SYN3: variants seen among roughly 807,000 people sequenced by gnomAD.
The protein encoded by SYN3 is synapsin-3.
A neutral mutation model predicts 65.8 loss-of-function variants in SYN3; 35 were observed. That is an observed-to-expected ratio of 0.53 (90% confidence interval 0.41 to 0.70). The LOEUF is 0.70. SYN3 is among the 30% of genes least tolerant of loss of function. SYN3 has a pLI of 0.00. For synonymous variants in SYN3, 270 were observed against 292.9 expected (o/e 0.92, Z 0.80); for missense variants, 680 against 749.0 (o/e 0.91, Z 1.08).
chr22:32,896,773 G>A lies in SYN3; in HGVS notation c.462-27648C>T, dbSNP rs535911281. 1.4e-4 allele frequency among the ~76,000 whole-genome samples: 22 copies of A among 152,310 alleles called. No homozygotes were observed. In the Middle Eastern group the frequency reaches 0.01, roughly 71 times the overall value. The stretch of plus-strand genomic sequence containing the variant: ...GTGATCTCATTTTGGCTGTCACCTT[G>A]TTCGAAGATGTGTGTAATTCTCCTT... On this transcript the variant is annotated intron_variant, in intron 4 of 13. Transcript: ENST00000358763.
rs191153486 is a variant in SYN3 at position 32,828,378 on chromosome 22, C to T, written c.711+36537G>A. On this transcript the variant is annotated intron_variant, in intron 6 of 13. Coordinates refer to ENST00000358763, the MANE Select transcript of SYN3 (RefSeq NM_003490.4). The stretch of plus-strand genomic sequence containing the variant: ...TGAAGTAGCAAATCTTTCAGAGATA[C>T]AGGCCTCTAAAAAATTCTGCCATCT... Among the ~76,000 whole-genome samples the T allele has an allele frequency of 2.0e-3, 307 of 152,326 alleles. 5 individuals carry two copies. The South Asian group carries it at 0.038, about 19-fold the overall frequency.
intron 6 of SYN3, among the ~76,000 whole-genome samples, chr22:32,680,119 T>C (rs1430809609): frequency 2.0e-5 from 3 of 152,148 alleles, no homozygotes; most frequent in African/African-American, 7.2e-5. Context: ...AAATAATTAT[T>C]GATTTCTACT....
chr22:33,008,157 A>G (rs1307537401), intron 1 of SYN3, among the ~76,000 whole-genome samples: 1 of 152,168 alleles, frequency 6.6e-6, no homozygotes, highest in Non-Finnish European at 1.5e-5. Context: ...TGCTGGTCTC[A>G]AACTCCTGGC....
At chr22:32,541,484 C>T in intron 8 of SYN3, 87 bp downstream of exon 8, 1 of 1,536,712 alleles carries the variant, frequency 6.5e-7, no homozygotes, top group Non-Finnish European at 8.9e-7. Flanking sequence ...TAATGATGCA[C>T]CCTTGGGTGC....
chr22:32,999,429 A>C (rs937720787), intron 2 of SYN3, among the ~76,000 whole-genome samples: 1 of 152,214 alleles, frequency 6.6e-6, no homozygotes, highest in African/African-American at 2.4e-5. Flanking sequence ...TCACGCCTAT[A>C]ATCCCAGCAC....
chr22:32,585,386 C>T (rs1221021181), intron 7 of SYN3, among the ~76,000 whole-genome samples: 3 of 152,212 alleles, frequency 2.0e-5, no homozygotes, highest in African/African-American at 7.2e-5. Context: ...TTGCTTATCT[C>T]CCCATCTCCT....
chr22:32,963,224 T>A (rs1486849926), intron 3 of SYN3, among the ~76,000 whole-genome samples: 2 of 149,656 alleles, frequency 1.3e-5, no homozygotes, highest in Non-Finnish European at 3.0e-5. Context: ...TACAGGCATG[T>A]GCCACCATGC....
intron 6 of SYN3, among the ~76,000 whole-genome samples, chr22:32,785,479 A>G (rs2046170282): frequency 6.6e-6 from 1 of 152,136 alleles, no homozygotes; most frequent in Non-Finnish European, 1.5e-5. Context: ...CTGATGGAAT[A>G]ACACATGCTG....
chr22:32,639,034 A>G (rs1359205068), intron 6 of SYN3, among the ~76,000 whole-genome samples: 2 of 152,080 alleles, frequency 1.3e-5, no homozygotes, highest in African/African-American at 4.8e-5. Flanking sequence ...GCTCACTGCA[A>G]GCTCCGTCTC....
intron 6 of SYN3, among the ~76,000 whole-genome samples, chr22:32,661,430 G>T (rs951328300): frequency 2.0e-5 from 3 of 152,278 alleles, no homozygotes; most frequent in African/African-American, 7.2e-5. Flanking sequence ...GGCCCGCCGT[G>T]ACTCACAGCA....
chr22:33,023,527 G>T (rs1427711709), intron 1 of SYN3, among the ~76,000 whole-genome samples: 1 of 152,128 alleles, frequency 6.6e-6, no homozygotes, highest in Non-Finnish European at 1.5e-5. Flanking sequence ...GGCAGCATGA[G>T]AATGGACTAA....
chr22:32,747,052 G>C (rs2044955617), intron 6 of SYN3, among the ~76,000 whole-genome samples: 1 of 152,112 alleles, frequency 6.6e-6, no homozygotes, highest in South Asian at 2.1e-4. Context: ...GACAAGAAAG[G>C]GGAACTACCT....
chr22:32,582,977 C>T (rs1458547912), intron 7 of SYN3, among the ~76,000 whole-genome samples: 2 of 152,234 alleles, frequency 1.3e-5, no homozygotes, highest in Non-Finnish European at 2.9e-5. Context: ...GCAGCATTCA[C>T]TGGCCCATCA....
intron 6 of SYN3, among the ~76,000 whole-genome samples, chr22:32,700,809 C>T (rs1366479127): frequency 1.3e-5 from 2 of 152,208 alleles, no homozygotes; most frequent in Admixed American, 6.5e-5. Context: ...AGCAGCCTGC[C>T]TAACATCAAC....
intron 6 of SYN3, among the ~76,000 whole-genome samples, chr22:32,627,607 T>C (rs2059686296): frequency 6.6e-6 from 1 of 152,090 alleles, no homozygotes; most frequent in Non-Finnish European, 1.5e-5. Flanking sequence ...GATGGGCAAG[T>C]GCAATCATAC....
chr22:32,544,030 C>T (rs2146257447), intron 7 of SYN3, among the ~76,000 whole-genome samples: 1 of 152,278 alleles, frequency 6.6e-6, no homozygotes, highest in South Asian at 2.1e-4. Context: ...CCTTGACTTC[C>T]TGAGCTCAAG....
intron 6 of SYN3, among the ~76,000 whole-genome samples, chr22:32,700,162 C>T (rs974249350): frequency 2.6e-5 from 4 of 152,182 alleles, no homozygotes; most frequent in Admixed American, 6.5e-5. Flanking sequence ...TGACTCCTCC[C>T]TCCTTTGGGC....
rs559683554 is a variant in SYN3, at chr22:33,034,171, G to A, written c.-163+24121C>T. ...ACTGCTCTCCAACCTAGGTGACAGAGCAAGACTCTGTGTTAAAAAAAAACA... is the reference window on the plus strand; with the variant it reads ...ACTGCTCTCCAACCTAGGTGACAGAACAAGACTCTGTGTTAAAAAAAAACA... On this transcript the variant is annotated intron_variant, in intron 1 of 13. Coordinates refer to ENST00000358763, the MANE Select transcript of SYN3 (RefSeq NM_003490.4). Among the ~76,000 whole-genome samples the A allele has an allele frequency of 1.0e-4, 15 of 146,154 alleles. No homozygotes were observed. The South Asian group carries it at 3.4e-3, about 33-fold the overall frequency.
intron 6 of SYN3, among the ~76,000 whole-genome samples, chr22:32,683,716 T>G (rs2060553847): frequency 6.6e-6 from 1 of 152,208 alleles, no homozygotes; most frequent in African/African-American, 2.4e-5. Flanking sequence ...GATGTCTTCA[T>G]GCTGGTCCTA....
Sources: allele counts gnomAD v4.1 joint callset (sites outside exome capture counted in the v4.1 genomes callset), GRCh38; gene constraint gnomAD v4.1.1; transcripts MANE v1.5; gene names NCBI Gene and HGNC (gene_info 2026-07-23, HGNC 2026-07-21).